Variants in SHOC1 observed in about 807,000 individuals in gnomAD.
The protein encoded by SHOC1 is shortage in chiasmata 1.
Under a neutral mutation model 179.2 loss-of-function variants are expected in SHOC1, and 136 were observed. The observed-to-expected ratio is 0.76, with a 90% CI of 0.66 to 0.87. SHOC1 has a LOEUF of 0.87. Among genes scored for constraint, SHOC1 ranks in the 40% least tolerant of loss-of-function variants. The pLI is 0.00. For missense variants in SHOC1, 1,538 were observed against 1,700.8 expected, an observed-to-expected ratio of 0.90 and a Z score of 1.68; for synonymous variants, 489 against 586.6, an observed-to-expected ratio of 0.83 and a Z score of 2.41.
At chr9:111,705,423 C>CTT (rs34081368) in intron 20 of SHOC1, 59 bp from the exon 21 acceptor site, 5,906 of 528,714 alleles carry the variant, frequency 0.011, no homozygotes, top group East Asian at 0.033. Context: ...AGCTCTTTCT[C>CTT]TTTTTTTTTT....
chr9:111,766,515 G>T (rs1005676323), intron 5 of SHOC1, among the ~76,000 whole-genome samples: 7 of 152,048 alleles, frequency 4.6e-5, no homozygotes, highest in Non-Finnish European at 7.4e-5. Context: ...GTGTACAAGA[G>T]TTCCCATTTC....
Position 111,727,628 on chromosome 9 carries a change from C to T in SHOC1, c.1834+5G>A, listed in dbSNP as rs367883606. 2 of 1,553,420 alleles carry T rather than the reference C, an allele frequency of 1.3e-6. No individual in the cohort carries two copies. Among genetic ancestry groups the T allele is most frequent in the Non-Finnish European group, 1.7e-6 (2 of 1,154,728 alleles). On this transcript the variant is annotated splice_donor_5th_base_variant and intron_variant, in intron 13 of 27. Transcript: ENST00000682961. ...TCTACGGCAAAATATTATTAAATTA[C>T]TTACCATGTTTTTCATCACTGTTTG...
At chr9:111,712,768 CT>C (rs1168132815) in intron 18 of SHOC1, among the ~76,000 whole-genome samples, 2 of 152,102 alleles carry the variant, frequency 1.3e-5, no homozygotes, top group Non-Finnish European at 2.9e-5. Context: ...TTAGCATGAA[CT>C]TTAGTTTCTT....
At chr9:111,707,710 A>G (rs1832340548) in intron 19 of SHOC1, 145 bp downstream of exon 19, 1 of 593,830 alleles carries the variant, frequency 1.7e-6, no homozygotes, top group Non-Finnish European at 3.0e-6. Context: ...AAAGTGCCCT[A>G]TGTAAAGCAT....
intron 24 of SHOC1, among the ~76,000 whole-genome samples, chr9:111,695,947 CA>C (rs1831667888): frequency 1.3e-5 from 2 of 152,254 alleles, no homozygotes; most frequent in South Asian, 4.1e-4. Flanking sequence ...GTAAACACTG[CA>C]GCAACAAGCC....
intron 5 of SHOC1, chr9:111,759,672 A>C (rs896215341): frequency 2.5e-5 from 15 of 606,036 alleles, no homozygotes; most frequent in Non-Finnish European, 2.9e-5. Context: ...TTCCCAAAAA[A>C]GAAAGCCATC....
intron 18 of SHOC1, among the ~76,000 whole-genome samples, chr9:111,712,064 G>A (rs1003834763): frequency 6.6e-6 from 1 of 152,160 alleles, no homozygotes; most frequent in African/African-American, 2.4e-5. Flanking sequence ...AAGAGCTATA[G>A]GTATAGACAA....
intron 12 of SHOC1, among the ~76,000 whole-genome samples, chr9:111,731,247 T>G (rs1833554699): frequency 6.6e-6 from 1 of 152,212 alleles, no homozygotes; most frequent in African/African-American, 2.4e-5. Context: ...CACTTTTAAT[T>G]TCCTTCAGGA....
In SHOC1 at chr9:111,713,668, G is replaced by C. The variant is rs10981033; in HGVS notation, c.2416-496C>G. On this transcript the variant is annotated intron_variant, in intron 17 of 27. Coordinates refer to ENST00000682961, the MANE Select transcript of SHOC1 (RefSeq NM_001378211.1). ...TTGCGGTTAAGAAATAGGAGGCACA[G>C]AACGAAAAATCAGAAAAAGGCCACA... Among the ~76,000 whole-genome samples the C allele has an allele frequency of 2.0e-5, 3 of 152,044 alleles. No homozygotes were observed. The East Asian group carries it at 5.8e-4, about 29-fold the overall frequency.
At chr9:111,727,454 T>C (rs1241726298) in intron 13 of SHOC1, among the ~76,000 whole-genome samples, 179 bp downstream of exon 13, 1 of 152,184 alleles carries the variant, frequency 6.6e-6, no homozygotes, top group Admixed American at 6.5e-5. Flanking sequence ...AAATCATGCC[T>C]ATATATCCAT....
intron 8 of SHOC1, 30 bp downstream of exon 8, chr9:111,756,294 AC>A: frequency 6.5e-7 from 1 of 1,528,506 alleles, no homozygotes; most frequent in Non-Finnish European, 8.8e-7. Context: ...AGTGGTTTTT[AC>A]AAGTAATACA....
chr9:111,760,764 T>C (rs925218058), intron 5 of SHOC1, among the ~76,000 whole-genome samples: 1 of 151,848 alleles, frequency 6.6e-6, no homozygotes, highest in African/African-American at 2.4e-5. Flanking sequence ...AAGATCATTT[T>C]TTTAAAAATT....
intron 5 of SHOC1, among the ~76,000 whole-genome samples, chr9:111,773,761 A>G (rs1835716699): frequency 1.3e-5 from 2 of 152,168 alleles, no homozygotes; most frequent in African/African-American, 2.4e-5. Flanking sequence ...TAAACCAACA[A>G]CCATAAAAGA....
intron 12 of SHOC1, among the ~76,000 whole-genome samples, chr9:111,737,520 C>T (rs2131480548): frequency 6.6e-6 from 1 of 151,652 alleles, no homozygotes; most frequent in African/African-American, 2.4e-5. Context: ...TAGTGGCGGG[C>T]ATGGTGGCGG....
At chr9:111,724,954 GTA>G (rs1833230573) in intron 13 of SHOC1, among the ~76,000 whole-genome samples, 1 of 151,876 alleles carries the variant, frequency 6.6e-6, no homozygotes. Flanking sequence ...TCTGTCCTAG[GTA>G]TTACAGAGGA....
intron 8 of SHOC1, among the ~76,000 whole-genome samples, chr9:111,754,961 C>T (rs554993256): frequency 6.6e-6 from 1 of 152,274 alleles, no homozygotes; most frequent in Admixed American, 6.5e-5. Flanking sequence ...CTTGAGATAT[C>T]CCTGTAGCAG....
intron 12 of SHOC1, among the ~76,000 whole-genome samples, chr9:111,728,550 T>G (rs775604093): frequency 6.6e-6 from 1 of 152,214 alleles, no homozygotes; most frequent in Non-Finnish European, 1.5e-5. Context: ...TAGACGAATC[T>G]TGAAAACATG....
At chr9:111,769,999 T>TTTTTTTTTTTTTTG in intron 5 of SHOC1, among the ~76,000 whole-genome samples, 2 of 126,948 alleles carry the variant, frequency 1.6e-5, no homozygotes, top group African/African-American at 2.7e-5. Context: ...TTTTTTTTTT[T>TTTTTTTTTTTTTTG]TTTTTTTTTA....
chr9:111,759,294 G>C (rs1173689059), intron 5 of SHOC1: 1 of 1,610,206 alleles, frequency 6.2e-7, no homozygotes, highest in South Asian at 1.1e-5. Context: ...GACATGTAGG[G>C]AATGGAGATG....
Sources: allele counts gnomAD v4.1 joint callset (sites outside exome capture counted in the v4.1 genomes callset), GRCh38; gene constraint gnomAD v4.1.1; transcripts MANE v1.5; gene names NCBI Gene and HGNC (gene_info 2026-07-23, HGNC 2026-07-21).